Variants in SPECC1L observed in about 807,000 individuals in gnomAD.
SPECC1L encodes cytospin-A.
Under a neutral mutation model 116.8 loss-of-function variants are expected in SPECC1L, and 40 were observed. The ratio of observed to expected loss-of-function variants is 0.34; its 90% CI spans 0.27 to 0.45. The LOEUF (loss-of-function observed/expected upper bound fraction) is 0.45, where lower values mean the gene tolerates loss of function less well. Among genes scored for constraint, SPECC1L ranks in the 20% least tolerant of loss-of-function variants. The probability of loss-of-function intolerance (pLI) is 1.00; values close to 1 mark genes in which losing one functional copy is unlikely to be tolerated. For missense variants in SPECC1L, 1,110 were observed against 1,373.6 expected, an observed-to-expected ratio of 0.81 and a Z score of 3.03; for synonymous variants, 504 against 500.6, an observed-to-expected ratio of 1.01 and a Z score of -0.09.
chr22:24,315,710 G>A (rs917750314), intron 4 of SPECC1L, among the ~76,000 whole-genome samples: 3 of 152,150 alleles, frequency 2.0e-5, no homozygotes, highest in Non-Finnish European at 4.4e-5. Flanking sequence ...GGCTTTGTAC[G>A]TTTATTTTAT....
intron 13 of SPECC1L, among the ~76,000 whole-genome samples, chr22:24,365,837 C>T (rs948798582): frequency 6.7e-6 from 1 of 149,198 alleles, no homozygotes; most frequent in Non-Finnish European, 1.5e-5. Context: ...TTTCCTCAAG[C>T]AGCTGTATCT....
At chr22:24,296,487 A>T (rs2049265530) in intron 2 of SPECC1L, among the ~76,000 whole-genome samples, 1 of 152,270 alleles carries the variant, frequency 6.6e-6, no homozygotes, top group Admixed American at 6.5e-5. Flanking sequence ...GAGGAGAGCT[A>T]CTTTTTATTC....
At chr22:24,398,598 C>T (rs1356220781) in intron 14 of SPECC1L, among the ~76,000 whole-genome samples, 1 of 152,204 alleles carries the variant, frequency 6.6e-6, no homozygotes, top group African/African-American at 2.4e-5. Context: ...AGAGGCCTTT[C>T]TCAGAGAAGG....
At chr22:24,380,261 C>A (rs1172244766) in intron 14 of SPECC1L, among the ~76,000 whole-genome samples, 1 of 152,232 alleles carries the variant, frequency 6.6e-6, no homozygotes, top group Non-Finnish European at 1.5e-5. Context: ...TGCCCTTTGC[C>A]TGTCTAGCTA....
chr22:24,409,549 A>T (rs2042652946), intron 14 of SPECC1L, among the ~76,000 whole-genome samples: 1 of 152,204 alleles, frequency 6.6e-6, no homozygotes, highest in South Asian at 2.1e-4. Flanking sequence ...GCACTTTGGG[A>T]GGCTGAGGTG....
chr22:24,299,488 C>T (rs1382957219), intron 2 of SPECC1L, among the ~76,000 whole-genome samples: 3 of 152,112 alleles, frequency 2.0e-5, no homozygotes, highest in Non-Finnish European at 4.4e-5. Context: ...AAGAACCAGC[C>T]GGTCTAAGTG....
At chr22:24,324,121 AT>A in intron 5 of SPECC1L, 98 bp from the exon 6 acceptor site, 1 of 979,826 alleles carries the variant, frequency 1.0e-6, no homozygotes. Context: ...ATAGTGCCTC[AT>A]ACTTAGCTCC....
rs563192874 is a variant in SPECC1L at position 24,412,129 on chromosome 22, C to T, written c.3204+425C>T. ...GGGCCTTAGAACTGGCAAGAAACAC[C>T]AACCCTGTGCACTCCAGGGCATGGT... On this transcript the variant is annotated intron_variant, in intron 15 of 16. Coordinates refer to ENST00000314328, the MANE Select transcript of SPECC1L (RefSeq NM_015330.6). 2.4e-4 allele frequency: 84 copies of T among 357,040 alleles called. 1 individual carries two copies. Among genetic ancestry groups the T allele is most frequent in the South Asian group, 1.9e-3 (80 of 43,166 alleles). 22.1% of individuals were successfully genotyped at this position (357,040 alleles called of 1,614,324 possible).
Position 24,414,537 on chromosome 22 carries a change from A to G in SPECC1L, c.3268A>G (p.Ile1090Val). 6.2e-7 allele frequency: 1 copy of G among 1,613,908 alleles called. No homozygotes were observed. The highest frequency in any genetic ancestry group is 8.5e-7 in the Non-Finnish European group (1 of 1,179,908). Residue 1090 changes from isoleucine to valine, a missense_variant, in exon 17 of 17, where the codon ATT becomes GTT. By Grantham distance (29) the Ile-to-Val change is conservative. Around this residue, in one of 4 missense-constraint regions of SPECC1L, gnomAD observed 76 missense variants for 148.5 expected, o/e 0.51. Transcript: ENST00000314328. ...ESVGIKSTLD[I>V]NEMVRTERPD... ...AAGCGTCTTCCTTGTCTGTCAGGAC[A>G]TTAATGAAATGGTACGGACTGAACG...
intron 3 of SPECC1L, among the ~76,000 whole-genome samples, chr22:24,305,542 T>C (rs2049476307): frequency 6.6e-6 from 1 of 152,228 alleles, no homozygotes; most frequent in South Asian, 2.1e-4. Flanking sequence ...TACCACAGTT[T>C]GTTCATCTCT....
At chr22:24,317,858 C>T (rs1314506839) in intron 4 of SPECC1L, among the ~76,000 whole-genome samples, 3 of 151,302 alleles carry the variant, frequency 2.0e-5, no homozygotes, top group Non-Finnish European at 4.4e-5. Context: ...TGCGGCCGGG[C>T]AGAGACGCTC....
chr22:24,372,934 A>G (rs561722980), intron 14 of SPECC1L, among the ~76,000 whole-genome samples: 2 of 152,250 alleles, frequency 1.3e-5, no homozygotes, highest in South Asian at 4.1e-4. Context: ...AAGTCTCAGG[A>G]TACAAAATCA....
intron 14 of SPECC1L, among the ~76,000 whole-genome samples, chr22:24,380,375 A>G (rs1458158609): frequency 6.6e-6 from 1 of 152,100 alleles, no homozygotes; most frequent in Non-Finnish European, 1.5e-5. Context: ...GTGACACTTG[A>G]CTAGTTTATG....
chr22:24,306,185 G>C (rs1334822693), intron 3 of SPECC1L, among the ~76,000 whole-genome samples: 1 of 152,030 alleles, frequency 6.6e-6, no homozygotes. Flanking sequence ...GGAATTACAG[G>C]CATGAGCCAC....
At chr22:24,297,757 G>A (rs973537302) in intron 2 of SPECC1L, among the ~76,000 whole-genome samples, 1 of 152,174 alleles carries the variant, frequency 6.6e-6, no homozygotes, top group African/African-American at 2.4e-5. Context: ...ATCTTGTGCG[G>A]TCTCATTGTC....
intron 8 of SPECC1L, among the ~76,000 whole-genome samples, chr22:24,333,568 T>C (rs1180697027): frequency 1.3e-5 from 2 of 152,002 alleles, no homozygotes; most frequent in South Asian, 4.1e-4. Flanking sequence ...CTTTTTTTTT[T>C]TTTTCTTTGT....
intron 1 of SPECC1L, among the ~76,000 whole-genome samples, chr22:24,276,472 A>G (rs2048839957): frequency 6.6e-6 from 1 of 152,166 alleles, no homozygotes; most frequent in Non-Finnish European, 1.5e-5. Flanking sequence ...AGATTTGTCA[A>G]GAAATAGCCA....
At chr22:24,329,822 G>T (rs1346211954) in intron 7 of SPECC1L, among the ~76,000 whole-genome samples, 3 of 151,188 alleles carry the variant, frequency 2.0e-5, no homozygotes, top group Non-Finnish European at 4.4e-5. Flanking sequence ...TTTCCTGTTA[G>T]ATTTTGATGT....
rs1226511815 is a variant in SPECC1L, at chr22:24,289,452, A to G, written c.-38+12649A>G. Among the ~76,000 whole-genome samples the G allele has an allele frequency of 2.0e-5, 3 of 152,296 alleles. No homozygotes were observed. The East Asian group carries it at 5.8e-4, about 29-fold the overall frequency. The stretch of plus-strand genomic sequence containing the variant: ...GAAATGGATCTGAAGAGGTCTTGGC[A>G]TAAGATTAGGACTTTTATTTCATTA... On this transcript the variant is annotated intron_variant, in intron 2 of 16. Coordinates refer to ENST00000314328, the MANE Select transcript of SPECC1L (RefSeq NM_015330.6).
Sources: gnomAD v4.1 joint callset for allele counts (sites outside exome capture counted in the v4.1 genomes callset) on GRCh38, gnomAD v4.1.1 for gene constraint, gnomAD v4.1.1 regional missense constraint, MANE v1.5 for transcripts, NCBI Gene and HGNC (gene_info 2026-07-23, HGNC 2026-07-21) for gene names.